SLC25A48: variants seen among roughly 807,000 people sequenced by gnomAD.
SLC25A48 encodes the protein solute carrier family 25 member 48.
A neutral mutation model predicts 32.2 loss-of-function variants in SLC25A48; 29 were observed. The ratio of observed to expected loss-of-function variants is 0.90; its 90% confidence interval spans 0.67 to 1.23. The LOEUF is 1.23. Ranked by LOEUF, SLC25A48 falls within the 50% of genes most tolerant of loss-of-function variation. SLC25A48 has a pLI of 0.00. For synonymous variants in SLC25A48, 164 were observed against 172.3 expected (o/e 0.95, Z 0.38); for missense variants, 399 against 422.7 (o/e 0.94, Z 0.49).
upstream of SLC25A48, chr5:135,579,189 C>T: frequency 3.3e-6 from 1 of 302,490 alleles, no homozygotes; most frequent in Non-Finnish European, 6.1e-6. Context: ...GAGCCACGCG[C>T]GCACACGCAC....
intron 3 of SLC25A48, among the ~76,000 whole-genome samples, chr5:135,778,811 T>C (rs112557342): frequency 0.38 from 2,234 of 5,830 alleles, 52 homozygotes; most frequent in African/African-American, 0.42. Flanking sequence ...GATAATATCA[T>C]ACCCAACATC....
intron 3 of SLC25A48, among the ~76,000 whole-genome samples, chr5:135,770,586 C>A (rs1385446479): frequency 3.3e-5 from 5 of 151,726 alleles, no homozygotes; most frequent in East Asian, 1.9e-4. Flanking sequence ...ATGTACACAC[C>A]CCTGTGATAT....
intron 4 of SLC25A48, among the ~76,000 whole-genome samples, chr5:135,817,981 G>A (rs999884710): frequency 1.3e-5 from 2 of 151,670 alleles, no homozygotes; most frequent in African/African-American, 4.9e-5. Flanking sequence ...CATTGTGGAG[G>A]AGAGGCAAGA....
chr5:135,792,824 ACAGT>A (rs1016917549), intron 3 of SLC25A48, among the ~76,000 whole-genome samples: 7 of 151,536 alleles, frequency 4.6e-5, no homozygotes, highest in South Asian at 2.1e-4. Context: ...TCCTAATATT[ACAGT>A]CAGTGTACAC....
chr5:135,579,866 C>T lies in SLC25A48; in HGVS notation c.-849+269C>T, dbSNP rs1400635384. 3.3e-5 allele frequency among the ~76,000 whole-genome samples: 5 copies of T among 152,286 alleles called. No individual in the cohort carries two copies. In the South Asian group the frequency reaches 8.3e-4, roughly 25 times the overall value. On this transcript the variant is annotated intron_variant, in intron 1 of 10. Transcript: ENST00000646290. ...AGAATGCGAGGTATAGTGGTGTGAGCCCAGCCATAGTGGCAGAAATTCCCT... is the reference window on the plus strand; with the variant it reads ...AGAATGCGAGGTATAGTGGTGTGAGTCCAGCCATAGTGGCAGAAATTCCCT...
At chr5:135,877,719 C>A (rs2126825527) in intron 6 of SLC25A48, among the ~76,000 whole-genome samples, 2 of 152,262 alleles carry the variant, frequency 1.3e-5, no homozygotes, top group Middle Eastern at 6.8e-3. Flanking sequence ...GTTATCTGTC[C>A]TTCCTGACAG....
intron 4 of SLC25A48, among the ~76,000 whole-genome samples, chr5:135,869,106 T>G (rs1004913321): frequency 6.6e-6 from 1 of 152,222 alleles, no homozygotes; most frequent in Non-Finnish European, 1.5e-5. Flanking sequence ...GTAAATTGTA[T>G]GTATGGGCAT....
intron 3 of SLC25A48, among the ~76,000 whole-genome samples, chr5:135,785,554 A>AG (rs142799542): frequency 0.037 from 5,436 of 145,278 alleles, 390 homozygotes; most frequent in African/African-American, 0.13. Context: ...CGTAATATCC[A>AG]GGGGGGGAGA....
intron 3 of SLC25A48, among the ~76,000 whole-genome samples, chr5:135,722,844 T>C (rs550762817): frequency 6.6e-6 from 1 of 152,368 alleles, no homozygotes; most frequent in Admixed American, 6.5e-5. Flanking sequence ...CAGGTTGACC[T>C]CAGCTCAGCT....
chr5:135,653,955 T>G, intron 3 of SLC25A48: 2 of 456,096 alleles, frequency 4.4e-6, no homozygotes, highest in Non-Finnish European at 8.8e-6. Context: ...AAGCTTTGGA[T>G]GGTGGTGAGG....
chr5:135,830,394 G>T (rs1337655701), upstream of SLC25A48, among the ~76,000 whole-genome samples: 1 of 152,182 alleles, frequency 6.6e-6, no homozygotes, highest in Non-Finnish European at 1.5e-5. Context: ...AAAAATAGAG[G>T]AAGAATTAAG....
intron 2 of SLC25A48, among the ~76,000 whole-genome samples, chr5:135,844,794 C>A (rs1428970368): frequency 6.6e-6 from 1 of 152,152 alleles, no homozygotes; most frequent in Non-Finnish European, 1.5e-5. Flanking sequence ...TTATAAATTT[C>A]TCTTTGGGGG....
chr5:135,887,829 C>T (rs973415580), intron 7 of SLC25A48, among the ~76,000 whole-genome samples: 1 of 152,208 alleles, frequency 6.6e-6, no homozygotes, highest in Admixed American at 6.5e-5. Context: ...CAGCAGTGCC[C>T]CCTGAGCCAT....
intron 4 of SLC25A48, among the ~76,000 whole-genome samples, chr5:135,864,799 A>G (rs1761066802): frequency 6.6e-6 from 1 of 152,234 alleles, no homozygotes; most frequent in Admixed American, 6.5e-5. Flanking sequence ...TACATTGGTG[A>G]CACATGGTTT....
chr5:135,738,108 G>C (rs1755418284), intron 3 of SLC25A48, among the ~76,000 whole-genome samples: 1 of 152,166 alleles, frequency 6.6e-6, no homozygotes, highest in Non-Finnish European at 1.5e-5. Flanking sequence ...CTGTCTCCAT[G>C]CCCTTCCTTC....
rs374319636 is a variant in SLC25A48 at position 135,862,522 on chromosome 5, C to T, written c.422-8939C>T. On this transcript the variant is annotated intron_variant, in intron 4 of 7. Transcript: ENST00000681962. ...GAGGCAGACACAGTGGGTAAAGAAGCGCTGGAAGCCACAGCCTTCAGGGTG... is the reference window on the plus strand; with the variant it reads ...GAGGCAGACACAGTGGGTAAAGAAGTGCTGGAAGCCACAGCCTTCAGGGTG... Among the ~76,000 whole-genome samples, 61 of 152,258 alleles carry T rather than the reference C, an allele frequency of 4.0e-4. 1 individual carries two copies. Among genetic ancestry groups the T allele is most frequent in the African/African-American group, 1.4e-3 (59 of 41,548 alleles).
chr5:135,876,914 C>A (rs895089292), intron 6 of SLC25A48, among the ~76,000 whole-genome samples: 9 of 152,162 alleles, frequency 5.9e-5, no homozygotes, highest in Non-Finnish European at 1.2e-4. Context: ...ATGGAGCACC[C>A]CTCCCCAAGC....
intron 3 of SLC25A48, among the ~76,000 whole-genome samples, chr5:135,674,242 C>T (rs185559387): frequency 4.1e-4 from 63 of 151,978 alleles, no homozygotes; most frequent in African/African-American, 1.4e-3. Context: ...TTGGAGTGTC[C>T]GTCACTTCGA....
intron 1 of SLC25A48, among the ~76,000 whole-genome samples, chr5:135,610,293 T>C (rs932608176): frequency 2.6e-5 from 4 of 152,204 alleles, no homozygotes; most frequent in Non-Finnish European, 4.4e-5. Flanking sequence ...AATAAATGTG[T>C]TTATTTGGGC....
Sources: gnomAD v4.1 joint callset for allele counts (sites outside exome capture counted in the v4.1 genomes callset) on GRCh38, gnomAD v4.1.1 for gene constraint, MANE v1.5 for transcripts, NCBI Gene and HGNC (gene_info 2026-07-23, HGNC 2026-07-21) for gene names.